Variants in SH2D6 observed in about 807,000 individuals in gnomAD.
The protein encoded by SH2D6 is SH2 domain-containing protein 6.
A neutral mutation model predicts 30.2 loss-of-function variants in SH2D6; 31 were observed. The ratio of observed to expected loss-of-function variants is 1.03; its 90% CI spans 0.77 to 1.38. The LOEUF (loss-of-function observed/expected upper bound fraction) is 1.38, where lower values mean the gene tolerates loss of function less well. Ranked by LOEUF, SH2D6 falls within the 40% of genes most tolerant of loss-of-function variation. The pLI is 0.00. For synonymous variants in SH2D6, 93 were observed against 104.6 expected (o/e 0.89, Z 0.68); for missense variants, 240 against 266.8 (o/e 0.90, Z 0.70).
chr2:85,434,601 T>G, intron 19 of SH2D6, 104 bp downstream of exon 19: 1 of 1,302,022 alleles, frequency 7.7e-7, no homozygotes, highest in Non-Finnish European at 1.1e-6. Context: ...TTCTCACTAC[T>G]GCACTTGACT....
At chr2:85,424,994 A>T (rs984085264) in intron 5 of SH2D6, among the ~76,000 whole-genome samples, 2 of 152,042 alleles carry the variant, frequency 1.3e-5, no homozygotes, top group Non-Finnish European at 2.9e-5. Flanking sequence ...TGAACCTGGG[A>T]GGCAGAGGTT....
chr2:85,429,862 C>T (rs894622096), intron 9 of SH2D6, 119 bp from the exon 10 acceptor site: 8 of 153,146 alleles, frequency 5.2e-5, no homozygotes, highest in African/African-American at 1.9e-4. Context: ...TCTCTGCTGC[C>T]CTGGTACCAG....
rs1199651433 is a variant in SH2D6, at chr2:85,425,316, G to A, written c.-300G>A. ...TCACTCTTACTGCCCAGGTTTGAGA[G>A]CAATGGCGCGATTTCGGCTCACAGC... On this transcript the variant is annotated 5_prime_UTR_variant, in exon 6 of 24. Coordinates refer to ENST00000469800, the MANE Select transcript of SH2D6 (RefSeq NM_001394463.1). 1 of 140,038 alleles carries A rather than the reference G, an allele frequency of 7.1e-6. No individual in the cohort carries two copies. Among genetic ancestry groups the A allele is most frequent in the East Asian group, 2.1e-4 (1 of 4,736 alleles). The allele number at this position is 140,038 out of a possible 1,614,324, so 8.7% of individuals were successfully genotyped here.
intron 19 of SH2D6, 94 bp downstream of exon 19, chr2:85,434,591 T>C: frequency 7.0e-7 from 1 of 1,438,328 alleles, no homozygotes; most frequent in African/African-American, 1.4e-5. Flanking sequence ...CTTTCCCCAC[T>C]TCTCACTACT....
chr2:85,424,397 C>G (rs1687884670), intron 5 of SH2D6, among the ~76,000 whole-genome samples: 1 of 152,186 alleles, frequency 6.6e-6, no homozygotes, highest in Non-Finnish European at 1.5e-5. Context: ...CTCCCTCTTT[C>G]CCTTCCTCCC....
At chr2:85,423,479 T>C (rs1033943140) in intron 5 of SH2D6, among the ~76,000 whole-genome samples, 4 of 152,190 alleles carry the variant, frequency 2.6e-5, no homozygotes, top group African/African-American at 9.6e-5. Context: ...CAGATCCACC[T>C]GCCTTGACCT....
intron 6 of SH2D6, among the ~76,000 whole-genome samples, chr2:85,426,898 C>T (rs1422873870): frequency 2.0e-5 from 3 of 152,160 alleles, no homozygotes; most frequent in Non-Finnish European, 2.9e-5. Context: ...GCCCTCAACC[C>T]GTGGGATCTG....
Position 85,434,456 on chromosome 2 carries a change from G to C in SH2D6, c.565-17G>C. The C allele has an allele frequency of 6.4e-7, 1 of 1,550,504 alleles. No individual in the cohort carries two copies. The highest frequency in any genetic ancestry group is 2.4e-5 in the East Asian group (1 of 40,920). ...CCTGGGGCCCGGCCTCTTCTGATCA[G>C]ACCTCCTGTATGCCAGGGAACAGCA... On this transcript the variant is annotated splice_polypyrimidine_tract_variant and intron_variant, in intron 18 of 23. Transcript: ENST00000469800.
intron 7 of SH2D6, among the ~76,000 whole-genome samples, chr2:85,429,053 C>T (rs367915932): frequency 6.6e-6 from 1 of 152,240 alleles, no homozygotes; most frequent in Non-Finnish European, 1.5e-5. Context: ...GGTCATCACT[C>T]ACCAGCAAAT....
rs1481488332 is a variant in SH2D6 at position 85,430,435 on chromosome 2, G to A, written c.135+1G>A. ...TGCCCCAGGGACTTGGAGACACAAG[G>A]TGAGTCTGCCTACTGAGGTTGGGGT... is the stretch of plus-strand genomic sequence containing the variant. On this transcript the variant is annotated splice_donor_variant, in intron 11 of 23. Coordinates refer to ENST00000469800, the MANE Select transcript of SH2D6 (RefSeq NM_001394463.1). LOFTEE classifies it high-confidence loss of function. This position sits in a 1 kb window ranked among gnomAD's most constrained non-coding sequence, Gnocchi z 4.3. The A allele has an allele frequency of 6.5e-6, 1 of 153,032 alleles. No homozygotes were observed. The highest frequency in any genetic ancestry group is 1.5e-5 in the Non-Finnish European group (1 of 68,358). The allele number at this position is 153,032 out of a possible 1,614,324, so 9.5% of individuals were successfully genotyped here. A position where few individuals can be genotyped will look rare whatever the true frequency, so the allele number is the denominator to read the frequency against.
chr2:85,434,472 G>A lies in SH2D6; in HGVS notation c.565-1G>A, dbSNP rs1232370605. On this transcript the variant is annotated splice_acceptor_variant, in intron 18 of 23. Coordinates refer to ENST00000469800, the MANE Select transcript of SH2D6 (RefSeq NM_001394463.1). LOFTEE classifies it high-confidence loss of function. ...TTCTGATCAGACCTCCTGTATGCCA[G>A]GGAACAGCAGATGCTGCCTCTAAAG... 2 of 1,550,538 alleles carry A rather than the reference G, an allele frequency of 1.3e-6. No homozygotes were observed. The highest frequency in any genetic ancestry group is 3.9e-5 in the Admixed American group (2 of 51,008).
chr2:85,433,225 A>G (rs1318854279), intron 15 of SH2D6, 104 bp downstream of exon 15: 3 of 816,532 alleles, frequency 3.7e-6, no homozygotes, highest in Non-Finnish European at 4.4e-6. Context: ...CCCTGAAACC[A>G]AGGGAAAAGG....
At chr2:85,434,635 A>G in intron 19 of SH2D6, 138 bp downstream of exon 19, 1 of 1,249,890 alleles carries the variant, frequency 8.0e-7, no homozygotes, top group Non-Finnish European at 1.1e-6. Context: ...AAAAAAAAAA[A>G]CTAGGTGAAT....
chr2:85,434,232 G>T, intron 17 of SH2D6, 108 bp from the exon 18 acceptor site: 1 of 1,510,740 alleles, frequency 6.6e-7, no homozygotes, highest in Non-Finnish European at 8.9e-7. Flanking sequence ...ACTGTCCCAT[G>T]GTTGTTGGCA....
chr2:85,433,201 G>A, intron 15 of SH2D6, 80 bp downstream of exon 15: 1 of 910,938 alleles, frequency 1.1e-6, no homozygotes, highest in Non-Finnish European at 1.3e-6. Context: ...GGCCTAGGGA[G>A]GGCCAGGAAA....
At chr2:85,426,820 C>T (rs1573213009) in intron 6 of SH2D6, among the ~76,000 whole-genome samples, 2 of 152,350 alleles carry the variant, frequency 1.3e-5, no homozygotes, top group Admixed American at 1.3e-4. Flanking sequence ...GCCAGTTGGT[C>T]AGAAGTTCTG....
intron 5 of SH2D6, among the ~76,000 whole-genome samples, chr2:85,423,876 T>A (rs1573205777): frequency 6.6e-6 from 1 of 152,394 alleles, no homozygotes; most frequent in East Asian, 1.9e-4. Context: ...GGCTTTAACT[T>A]GAACCCAACC....
At chr2:85,428,845 A>G (rs1181345835) in intron 7 of SH2D6, 148 bp downstream of exon 7, 1 of 152,242 alleles carries the variant, frequency 6.6e-6, no homozygotes, top group African/African-American at 2.4e-5. Flanking sequence ...TGAGAATCCA[A>G]TGAGGAAACA....
chr2:85,433,075 G>A (rs1688946920), intron 14 of SH2D6, 24 bp from the exon 15 acceptor site: 2 of 985,934 alleles, frequency 2.0e-6, no homozygotes, highest in East Asian at 1.1e-4. Flanking sequence ...TGCATGACAG[G>A]TGGTTCTCTC....
Sources: gnomAD v4.1 joint callset for allele counts (sites outside exome capture counted in the v4.1 genomes callset) on GRCh38, gnomAD v4.1.1 for gene constraint, Gnocchi (gnomAD v3.1) non-coding constraint, MANE v1.5 for transcripts, NCBI Gene and HGNC (gene_info 2026-07-23, HGNC 2026-07-21) for gene names.